The following OBSL1 variants were observed in gnomAD, a reference collection of about 807,000 sequenced individuals.
The protein encoded by OBSL1 is obscurin-like protein 1.
OBSL1 carries 160 observed loss-of-function variants against 172.0 expected under a neutral mutation model. The observed-to-expected ratio is 0.93, with a 90% CI of 0.82 to 1.06. OBSL1 has a LOEUF of 1.06. Among genes scored for constraint, OBSL1 ranks in the 50% least tolerant of loss-of-function variants. The pLI is 0.00. For synonymous variants in OBSL1, 1,200 were observed against 1,196.3 expected (o/e 1.00, Z -0.06); for missense variants, 2,681 against 2,715.4 (o/e 0.99, Z 0.28).
At chr2:219,547,410 GT>G (rs1695410823), downstream of OBSL1, 5 of 1,005,950 alleles carry the variant, frequency 5.0e-6, no homozygotes, top group Non-Finnish European at 6.7e-6. Flanking sequence ...TTTGTCTCTG[GT>G]TCCCCTGGGA....
At position 219,558,786 on chromosome 2, in the gene OBSL1, C is replaced by T. The variant is rs542383681; in HGVS notation, c.3227-327G>A. Among the ~76,000 whole-genome samples the T allele has an allele frequency of 1.2e-4, 18 of 152,276 alleles. No individual in the cohort carries two copies. In the South Asian group the frequency reaches 3.7e-3, roughly 32 times the overall value. On this transcript the variant is annotated intron_variant, in intron 9 of 20. Transcript: ENST00000404537. ...TAGACTCACACCCAGATCTACACAC[C>T]CCACTCCACACCCATCCCCACTTCC...
chr2:219,556,784 C>T lies in OBSL1; in HGVS notation c.4067-61G>A, dbSNP rs1025222782. The T allele has an allele frequency of 6.7e-6, 10 of 1,492,506 alleles. No homozygotes were observed. In the South Asian group the frequency reaches 1.2e-4, roughly 18 times the overall value. The allele number at this position is 1,492,506 out of a possible 1,614,324, so 92.5% of individuals were successfully genotyped here. A position where few individuals can be genotyped will look rare whatever the true frequency, so the allele number is the denominator to read the frequency against. The stretch of plus-strand genomic sequence containing the variant: ...TCTTTTCTTCTCTCTCCTTTTCATC[C>T]CCTCCTCAGGATGCAGGCCCTCGTC... On this transcript the variant is annotated intron_variant, in intron 12 of 20. Transcript: ENST00000404537.
Position 219,570,870 on chromosome 2 carries a change from C to T in OBSL1, c.363G>A (p.Pro121=). The T allele has an allele frequency of 2.2e-6, 3 of 1,391,126 alleles. No homozygotes were observed. The highest frequency in any genetic ancestry group is 2.8e-6 in the Non-Finnish European group (3 of 1,073,972). The allele number at this position is 1,391,126 out of a possible 1,614,324, so 86.2% of individuals were successfully genotyped here. Residue 121 remains proline (P), a synonymous_variant, in exon 1 of 21, where the codon CCG becomes CCA. Transcript: ENST00000404537. The part of the protein sequence containing the change: ...LQPAERPLPS[P]GSGEGAPVFL... ...AGACCGGGGCGCCCTCCCCGGACCC[C>T]GGCGATGGCAGCGGGCGCTCGGCGG... is the stretch of plus-strand genomic sequence containing the variant.
chr2:219,550,457 G>A, downstream of OBSL1: 1 of 244,220 alleles, frequency 4.1e-6, no homozygotes, highest in South Asian at 7.5e-5. Context: ...TGGGAAGGGA[G>A]TTGGGGAGGG....
rs1434485676 is a variant in OBSL1 at position 219,556,093 on chromosome 2, G to GA, written c.4535dup (p.Ile1513HisfsTer41). 6 of 1,613,948 alleles carry GA rather than the reference G, an allele frequency of 3.7e-6. No homozygotes were observed. The Admixed American group carries it at 6.7e-5, about 18-fold the overall frequency. On this transcript the variant is annotated frameshift_variant, in exon 14 of 21. Coordinates refer to ENST00000404537, the MANE Select transcript of OBSL1 (RefSeq NM_015311.3). LOFTEE classifies it high-confidence loss of function. ...CGTAGGTGCCCTGGTCGGCCAGTAT[G>GA]ACACCATGGATGAAGAGGCGGTGGA...
At chr2:219,549,447 T>C (rs1449418240), downstream of OBSL1, 1 of 1,441,776 alleles carries the variant, frequency 6.9e-7, no homozygotes, top group Non-Finnish European at 9.3e-7. Context: ...CTGGTTGCTA[T>C]CTAGAAGGCC....
intron 8 of OBSL1, chr2:219,561,697 C>T: frequency 1.7e-6 from 1 of 602,934 alleles, no homozygotes; most frequent in Non-Finnish European, 3.0e-6. Flanking sequence ...TTGGCCCTCA[C>T]AGTACTTATC....
chr2:219,553,762 A>T (rs528910348), intron 15 of OBSL1, 76 bp from the exon 16 acceptor site: 1 of 967,682 alleles, frequency 1.0e-6, no homozygotes, highest in Non-Finnish European at 1.6e-6. Context: ...GAGGACATAC[A>T]CTTGGGCACA....
Position 219,556,231 on chromosome 2 carries a change from C to CA in OBSL1, c.4397dup (p.Cys1467ValfsTer87). On this transcript the variant is annotated frameshift_variant, in exon 14 of 21. Coordinates refer to ENST00000404537, the MANE Select transcript of OBSL1 (RefSeq NM_015311.3). LOFTEE classifies it high-confidence loss of function. ...CTCGGCCTGTCTCCACTTCGAGACA[C>CA]ACATCCTGGCCTTCCTCTGCCCGCA... 8 of 1,605,814 alleles carry CA rather than the reference C, an allele frequency of 5.0e-6. No individual in the cohort carries two copies. The highest frequency in any genetic ancestry group is 6.8e-6 in the Non-Finnish European group (8 of 1,174,234).
At chr2:219,550,611 G>A (rs1695549310), downstream of OBSL1, 11 of 574,756 alleles carry the variant, frequency 1.9e-5, no homozygotes, top group Non-Finnish European at 3.4e-5. Flanking sequence ...GTCTTTGGTG[G>A]CTGGCACTTT....
rs1358488495 is a variant in OBSL1 at position 219,568,137 on chromosome 2, G to A, written c.1200C>T (p.His400=). 1.9e-6 allele frequency: 3 copies of A among 1,613,762 alleles called. No individual in the cohort carries two copies. In the African/African-American group the frequency reaches 4.0e-5, roughly 22 times the overall value. Residue 400 remains histidine, a synonymous_variant, in exon 2 of 21, where the codon CAC becomes CAT. Coordinates refer to ENST00000404537, the MANE Select transcript of OBSL1 (RefSeq NM_015311.3). The surrounding 1 kb of genome is among the most constrained non-coding windows in gnomAD (Gnocchi z 4.1). Reference sequence around the variant, plus strand: ...TACCATCATCGTCTGCCTTCAGCCTGTGGATGATGAGGCGCCGGACAGTGC... The same window carrying A: ...TACCATCATCGTCTGCCTTCAGCCTATGGATGATGAGGCGCCGGACAGTGC... The part of the protein sequence containing the change: ...EEGTVRRLII[H]RLKADDDGIY...
At chr2:219,547,714 C>G, downstream of OBSL1, 1 of 1,578,836 alleles carries the variant, frequency 6.3e-7, no homozygotes, top group Non-Finnish European at 8.6e-7. Flanking sequence ...GGCTGCTGCT[C>G]GGCCTGCTGC....
chr2:219,547,800 TG>T (rs1310164939), downstream of OBSL1: 2 of 1,592,196 alleles, frequency 1.3e-6, no homozygotes, highest in Non-Finnish European at 1.7e-6. Context: ...GGGCTGTTGC[TG>T]GGGGGCGGCC....
At position 219,552,158 on chromosome 2, in the gene OBSL1, G is replaced by A. The variant is rs1459007419; in HGVS notation, c.5367C>T (p.Arg1789=). Residue 1789 remains arginine (R), a synonymous_variant, in exon 19 of 21, where the codon CGC becomes CGT. Coordinates refer to ENST00000404537, the MANE Select transcript of OBSL1 (RefSeq NM_015311.3). ...ELRAEDAGEV[R]FQAGPAQSLA... ...GGGACTGGGCGGGCCCCGCCTGGAA[G>A]CGGACTTCACCGGCGTCCTCGGCGC... 6.2e-7 allele frequency: 1 copy of A among 1,611,974 alleles called. No individual in the cohort carries two copies.
rs374481615 is a variant in OBSL1, at chr2:219,565,334, C to T, written c.2315G>A (p.Arg772His). The T allele has an allele frequency of 1.4e-5, 22 of 1,614,016 alleles. No homozygotes were observed. The highest frequency in any genetic ancestry group is 8.0e-5 in the African/African-American group (6 of 75,056). Residue 772 changes from arginine (R) to histidine (H), a missense_variant, in exon 6 of 21, where the codon CGT becomes CAT. By Grantham distance (29) the Arg-to-His change is conservative. Transcript: ENST00000404537. ...GACTTTGGCCTCAGGCAGGATCAGA[C>T]GGTGTTTGCGCCCATCCATCTTCAC... Reference protein sequence around the residue: ...LVVKMDGRKHRLILPEAKVQD... With the variant: ...LVVKMDGRKHHLILPEAKVQD...
intron 14 of OBSL1, 118 bp downstream of exon 14, chr2:219,555,902 T>A (rs1302385617): frequency 6.7e-7 from 1 of 1,497,968 alleles, no homozygotes; most frequent in East Asian, 2.3e-5. Context: ...GGGACGGCCA[T>A]GGGTGACTTT....
downstream of OBSL1, among the ~76,000 whole-genome samples, chr2:219,548,507 G>GGAGA (rs1559127620): frequency 6.6e-6 from 1 of 152,214 alleles, no homozygotes; most frequent in Non-Finnish European, 1.5e-5. Flanking sequence ...GAGGTGATAT[G>GGAGA]TAAGCAGGCA....
At chr2:219,557,320 G>C in intron 12 of OBSL1, 23 bp downstream of exon 12, 1 of 1,457,816 alleles carries the variant, frequency 6.9e-7, no homozygotes. Flanking sequence ...ACAGCCCACA[G>C]GGTGTGAGGG....
At position 219,571,063 on chromosome 2, in the gene OBSL1, C is replaced by A. The variant is rs1697315175; in HGVS notation, c.170G>T (p.Arg57Leu). The change falls in exon 1 of 21, where the codon CGC (arginine) becomes CTC (leucine). Residue 57 changes from arginine to leucine, a missense_variant. Coordinates refer to ENST00000404537, the MANE Select transcript of OBSL1 (RefSeq NM_015311.3). ...KGGQQLAASE[R>L]LSFPADGAEH... ...CGCGCCGTCCGCCGGGAAGCTCAGG[C>A]GTTCCGAGGCCGCCAGCTGCTGCCC... The A allele has an allele frequency of 6.8e-7, 1 of 1,463,296 alleles. No homozygotes were observed. The allele number at this position is 1,463,296 out of a possible 1,614,324, so 90.6% of individuals were successfully genotyped here.
Sources: allele counts gnomAD v4.1 joint callset (sites outside exome capture counted in the v4.1 genomes callset), GRCh38; gene constraint gnomAD v4.1.1; non-coding constraint Gnocchi (gnomAD v3.1); transcripts MANE v1.5; gene names NCBI Gene and HGNC (gene_info 2026-07-23, HGNC 2026-07-21).